Variants in PLXNA4 observed in about 807,000 individuals in gnomAD.
PLXNA4 encodes the protein plexin-A4.
A neutral mutation model predicts 191.8 loss-of-function variants in PLXNA4; 44 were observed. The observed-to-expected ratio is 0.23, with a 90% CI of 0.18 to 0.29. The LOEUF (loss-of-function observed/expected upper bound fraction) is 0.29, where lower values mean the gene tolerates loss of function less well. Ranked by LOEUF, PLXNA4 falls within the 10% of genes least tolerant of loss-of-function variation. The probability of loss-of-function intolerance (pLI) is 1.00; values close to 1 mark genes in which losing one functional copy is unlikely to be tolerated. For synonymous variants in PLXNA4, 1,082 were observed against 1,009.5 expected, an observed-to-expected ratio of 1.07 and a Z score of -1.36; for missense variants, 1,800 against 2,488.8, an observed-to-expected ratio of 0.72 and a Z score of 5.89.
chr7:132,385,158 A>C (rs543265264), intron 3 of PLXNA4: 28 of 1,612,890 alleles, frequency 1.7e-5, no homozygotes, highest in Non-Finnish European at 2.3e-5. Context: ...ACAACACACT[A>C]AATAAGCCTA....
intron 4 of PLXNA4, among the ~76,000 whole-genome samples, chr7:132,295,854 A>G (rs1801058599): frequency 6.6e-6 from 1 of 152,228 alleles, no homozygotes; most frequent in Non-Finnish European, 1.5e-5. Flanking sequence ...CCATGGTTCT[A>G]AGCTTATTAT....
chr7:132,316,192 T>C (rs1211301861), intron 3 of PLXNA4, among the ~76,000 whole-genome samples: 3 of 152,202 alleles, frequency 2.0e-5, no homozygotes, highest in Non-Finnish European at 4.4e-5. Context: ...AAAATGCGAC[T>C]CTATCACCAT....
At chr7:132,563,185 TTCC>T (rs147356182) in intron 1 of PLXNA4, among the ~76,000 whole-genome samples, 9,334 of 29,518 alleles carry the variant, frequency 0.32, 1,808 homozygotes, top group Non-Finnish European at 0.44. Flanking sequence ...CTCCTTCTCC[TTCC>T]TCCTCCTCCT....
In PLXNA4 at chr7:132,142,252, C is replaced by T. The variant is rs150673254; in HGVS notation, c.5226-1441G>A. Among the ~76,000 whole-genome samples the T allele has an allele frequency of 3.8e-3, 579 of 152,192 alleles. 1 individual carries two copies. Among genetic ancestry groups the T allele is most frequent in the Non-Finnish European group, 4.4e-3 (296 of 68,010 alleles). On this transcript the variant is annotated intron_variant, in intron 29 of 31. Coordinates refer to ENST00000321063, the MANE Select transcript of PLXNA4 (RefSeq NM_020911.2). ...ACGGCTTCCAACCAGCCTGCTTGGA[C>T]GCAGGTGGGAAAGAGGGCTAGGCAC...
chr7:132,328,330 C>T lies in PLXNA4; in HGVS notation c.1372-30108G>A, dbSNP rs148351676. On this transcript the variant is annotated intron_variant, in intron 3 of 31. Transcript: ENST00000321063. The stretch of plus-strand genomic sequence containing the variant: ...TTCTCAGCTGCATTTCTGATCTTCT[C>T]GGCCTGTGTCACCCTCCCCCACCCC... 5.3e-3 allele frequency among the ~76,000 whole-genome samples: 805 copies of T among 152,264 alleles called. 5 individuals carry two copies. The highest frequency in any genetic ancestry group is 8.2e-3 in the Non-Finnish European group (555 of 68,020).
chr7:132,256,606 C>T (rs1799439806), intron 4 of PLXNA4, among the ~76,000 whole-genome samples: 1 of 152,192 alleles, frequency 6.6e-6, no homozygotes. Context: ...CACTGAGCAA[C>T]AGAATCAACA....
chr7:132,228,534 T>C, intron 5 of PLXNA4, 65 bp from the exon 6 acceptor site: 1 of 1,592,508 alleles, frequency 6.3e-7, no homozygotes, highest in Non-Finnish European at 8.6e-7. Flanking sequence ...GGGCGGATGC[T>C]GAGGTCAGGT....
At chr7:132,228,182 C>G (rs903533770) in intron 6 of PLXNA4, among the ~76,000 whole-genome samples, 164 bp downstream of exon 6, 1 of 152,144 alleles carries the variant, frequency 6.6e-6, no homozygotes, top group African/African-American at 2.4e-5. Context: ...TGCATCCCCC[C>G]GTAGACACTT....
intron 3 of PLXNA4, among the ~76,000 whole-genome samples, chr7:132,306,000 C>T (rs997903470): frequency 6.6e-6 from 1 of 152,124 alleles, no homozygotes; most frequent in Non-Finnish European, 1.5e-5. Flanking sequence ...GAGAGGGGAA[C>T]AGAGCAAACC....
Position 132,411,525 on chromosome 7 carries a change from T to C in PLXNA4, c.1371+77767A>G, listed in dbSNP as rs73726047. Among the ~76,000 whole-genome samples the C allele has an allele frequency of 3.9e-3, 592 of 152,328 alleles. 7 individuals carry two copies. The highest frequency in any genetic ancestry group is 0.014 in the African/African-American group (572 of 41,588). On this transcript the variant is annotated intron_variant, in intron 3 of 31. Transcript: ENST00000321063. ...TGGGCTGTCATTGCCATTGTTACGA[T>C]TGTGGCTGTTTTTGGAAACCTGGGT... is the stretch of plus-strand genomic sequence containing the variant.
At chr7:132,633,158 A>G (rs1333757448) in intron 2 of PLXNA4, among the ~76,000 whole-genome samples, 1 of 152,188 alleles carries the variant, frequency 6.6e-6, no homozygotes, top group African/African-American at 2.4e-5. Flanking sequence ...GAGAAAAATT[A>G]AATCAATGAA....
chr7:132,599,999 T>G (rs1486714072), intron 2 of PLXNA4, among the ~76,000 whole-genome samples: 1 of 152,216 alleles, frequency 6.6e-6, no homozygotes. Context: ...TTTTCTTTTG[T>G]TAAACCATCC....
intron 3 of PLXNA4, among the ~76,000 whole-genome samples, chr7:132,426,360 G>A (rs958548598): frequency 6.6e-6 from 1 of 152,194 alleles, no homozygotes; most frequent in African/African-American, 2.4e-5. Flanking sequence ...GTTAGGGTAG[G>A]AACAGGACAG....
At chr7:132,134,249 C>A (rs1005076515) in intron 30 of PLXNA4, among the ~76,000 whole-genome samples, 3 of 152,186 alleles carry the variant, frequency 2.0e-5, no homozygotes, top group African/African-American at 7.2e-5. Context: ...TCTCCTTCTG[C>A]ACCCCAGCCC....
chr7:132,563,850 GCTCCTC>G (rs145551736), intron 1 of PLXNA4, among the ~76,000 whole-genome samples: 1 of 43,474 alleles, frequency 2.3e-5, no homozygotes, highest in African/African-American at 1.1e-4. Context: ...TCCTTCTGCT[GCTCCTC>G]CTCCTCCTCT....
chr7:132,164,831 G>C (rs1796055617), intron 23 of PLXNA4, among the ~76,000 whole-genome samples: 1 of 148,660 alleles, frequency 6.7e-6, no homozygotes, highest in African/African-American at 2.6e-5. Flanking sequence ...AGAAATAATG[G>C]GCAAATTGTT....
intron 25 of PLXNA4, among the ~76,000 whole-genome samples, chr7:132,156,597 C>T (rs571574585): frequency 9.9e-5 from 15 of 152,280 alleles, no homozygotes; most frequent in African/African-American, 3.4e-4. Context: ...ACAGCGGGTG[C>T]GGGGAGAAAG....
chr7:132,257,711 C>T (rs1482082668), intron 4 of PLXNA4, among the ~76,000 whole-genome samples: 1 of 152,206 alleles, frequency 6.6e-6, no homozygotes, highest in East Asian at 1.9e-4. Context: ...GCTGCTAGAA[C>T]TGAGTGGGCC....
intron 3 of PLXNA4, among the ~76,000 whole-genome samples, chr7:132,426,662 TACAG>T (rs1479937055): frequency 6.6e-6 from 1 of 152,060 alleles, no homozygotes; most frequent in African/African-American, 2.4e-5. Context: ...CTGGAGAAAT[TACAG>T]ACAGTTTCAA....
Sources: gnomAD v4.1 joint callset for allele counts (sites outside exome capture counted in the v4.1 genomes callset) on GRCh38, gnomAD v4.1.1 for gene constraint, MANE v1.5 for transcripts, NCBI Gene and HGNC (gene_info 2026-07-23, HGNC 2026-07-21) for gene names.